GPRIN3: variants seen among roughly 807,000 people sequenced by gnomAD.
The protein encoded by GPRIN3 is GPRIN family member 3, also known as G protein-regulated inducer of neurite outgrowth 3.
In GPRIN3, 12 loss-of-function variants were observed where a neutral mutation model predicts 13.7. That is an observed-to-expected ratio of 0.87 (90% CI 0.56 to 1.42). GPRIN3 has a LOEUF of 1.42. GPRIN3 is among the 40% of genes most tolerant of loss of function. The probability of loss-of-function intolerance (pLI) is 0.00; values close to 1 mark genes in which losing one functional copy is unlikely to be tolerated. For missense variants in GPRIN3, 1,009 were observed against 958.7 expected (o/e 1.05, Z -0.69); for synonymous variants, 377 against 372.7 (o/e 1.01, Z -0.13).
rs1170336737 is a variant in GPRIN3, at chr4:89,241,965, T to G, written c.*5815A>C. On this transcript the variant is annotated 3_prime_UTR_variant, in exon 2 of 2. Coordinates refer to ENST00000609438, the MANE Select transcript of GPRIN3 (RefSeq NM_198281.3). ...CTAGCAGCAATGTCAAAAAGCAAGC[T>G]ATAATTTTCACCCCAGAAATAAATG... The G allele has an allele frequency of 6.6e-6, 1 of 152,192 alleles. No individual in the cohort carries two copies. The highest frequency in any genetic ancestry group is 1.5e-5 in the Non-Finnish European group (1 of 68,032). 9.4% of individuals were successfully genotyped at this position (152,192 alleles called of 1,614,324 possible). A position where few individuals can be genotyped will look rare whatever the true frequency, so the allele number is the denominator to read the frequency against.
intron 1 of GPRIN3, chr4:89,250,935 A>T (rs1170734432): frequency 6.6e-6 from 1 of 152,176 alleles, no homozygotes; most frequent in Non-Finnish European, 1.5e-5. Flanking sequence ...TTTTTCTGAG[A>T]TGGTAGAAAC....
intron 1 of GPRIN3, among the ~76,000 whole-genome samples, chr4:89,283,087 G>A (rs1179235083): frequency 6.6e-6 from 1 of 152,188 alleles, no homozygotes; most frequent in Non-Finnish European, 1.5e-5. Flanking sequence ...TGTTTTGTTT[G>A]TAAAATCCCT....
intron 1 of GPRIN3, among the ~76,000 whole-genome samples, chr4:89,275,546 C>G (rs906143282): frequency 6.6e-6 from 1 of 152,164 alleles, no homozygotes; most frequent in African/African-American, 2.4e-5. Flanking sequence ...TTCTTCAGAA[C>G]AGATTCCCTG....
rs780287656 is a variant in GPRIN3, at chr4:89,248,072, C to T, written c.2039G>A (p.Arg680His). 9.9e-6 allele frequency: 16 copies of T among 1,614,038 alleles called. No individual in the cohort carries two copies. Among genetic ancestry groups the T allele is most frequent in the Middle Eastern group, 1.6e-4 (1 of 6,084 alleles). Residue 680 changes from arginine to histidine, a missense_variant, in exon 2 of 2, where the codon CGT (arginine) becomes CAT (histidine). Physicochemically the swap from Arg to His is conservative, Grantham distance 29 (BLOSUM62 0). Transcript: ENST00000609438. ...CTCATCCCACACGACGTCCCTGACA[C>T]GCTTGGACTGTTTCAGCTGGAGCTT... ...DSKLQLKQSKRVRDVVWDEQG... is the reference protein window; with the variant it reads ...DSKLQLKQSKHVRDVVWDEQG...
At chr4:89,258,418 T>C (rs949829289) in intron 1 of GPRIN3, among the ~76,000 whole-genome samples, 16 of 152,062 alleles carry the variant, frequency 1.1e-4, no homozygotes, top group African/African-American at 3.9e-4. Context: ...GGTTTCATCA[T>C]GTTAGCCAGG....
Position 89,249,127 on chromosome 4 carries a change from G to C in GPRIN3, c.984C>G (p.Val328=). The C allele has an allele frequency of 5.6e-6, 9 of 1,614,130 alleles. No individual in the cohort carries two copies. Among genetic ancestry groups the C allele is most frequent in the Non-Finnish European group, 7.6e-6 (9 of 1,180,030 alleles). ...GGCTGGTGGAGACGGATCTGCTCTCGACACTCGCCACTGCCTGCACCTCCG... is the reference window on the plus strand; with the variant it reads ...GGCTGGTGGAGACGGATCTGCTCTCCACACTCGCCACTGCCTGCACCTCCG... The part of the protein sequence containing the change: ...QDAEVQAVAS[V]ESRSVSTSPS... Residue 328 remains valine, a synonymous_variant, in exon 2 of 2, where the codon GTC becomes GTG. Coordinates refer to ENST00000609438, the MANE Select transcript of GPRIN3 (RefSeq NM_198281.3).
At chr4:89,302,045 A>G (rs985900325) in intron 1 of GPRIN3, among the ~76,000 whole-genome samples, 3 of 152,224 alleles carry the variant, frequency 2.0e-5, no homozygotes, top group African/African-American at 7.2e-5. Flanking sequence ...TCTGGTGTGT[A>G]AGGCCAAGAA....
At chr4:89,300,774 T>G (rs1009854024) in intron 1 of GPRIN3, among the ~76,000 whole-genome samples, 1 of 152,188 alleles carries the variant, frequency 6.6e-6, no homozygotes, top group African/African-American at 2.4e-5. Flanking sequence ...CAGAACATGT[T>G]CGACATGAAA....
In GPRIN3 at chr4:89,248,456, G is replaced by T; in HGVS notation, c.1655C>A (p.Thr552Asn). 6.2e-7 allele frequency: 1 copy of T among 1,613,346 alleles called. No individual in the cohort carries two copies. The highest frequency in any genetic ancestry group is 8.5e-7 in the Non-Finnish European group (1 of 1,179,750). Residue 552 changes from threonine (T) to asparagine (N), a missense_variant, in exon 2 of 2, where the codon ACT becomes AAT. Transcript: ENST00000609438. ...SPQVVKEKES[T>N]GTDTSDAKTL... ...TTTGGCATCCGAGGTATCAGTGCCAGTAGACTCTTTTTCTTTTACTACCTG... is the reference window on the plus strand; with the variant it reads ...TTTGGCATCCGAGGTATCAGTGCCATTAGACTCTTTTTCTTTTACTACCTG...
chr4:89,264,457 G>T (rs1723729988), intron 1 of GPRIN3, among the ~76,000 whole-genome samples: 1 of 152,138 alleles, frequency 6.6e-6, no homozygotes, highest in African/African-American at 2.4e-5. Context: ...CCTAGCCTCA[G>T]GTATTCCTTT....
At chr4:89,303,303 T>C (rs1724948131) in intron 1 of GPRIN3, among the ~76,000 whole-genome samples, 1 of 152,240 alleles carries the variant, frequency 6.6e-6, no homozygotes. Flanking sequence ...GTTCCTCACA[T>C]GACCACCTCG....
rs897794444 is a variant in GPRIN3, at chr4:89,249,491, C to T, written c.620G>A (p.Arg207Lys). The stretch of plus-strand genomic sequence containing the variant: ...AGGAGAGGATGAGTGACTGACCACC[C>T]TGGCTGCTGTCACTGGAGTCTGCAC... ...GTVQTPVTAA[R>K]VVSHSSSPVG... Residue 207 changes from arginine (R) to lysine (K), a missense_variant, in exon 2 of 2, where the codon AGG becomes AAG. Transcript: ENST00000609438. The T allele has an allele frequency of 2.5e-5, 41 of 1,614,022 alleles. No homozygotes were observed. In the Admixed American group the frequency reaches 2.8e-4, roughly 11 times the overall value.
intron 1 of GPRIN3, among the ~76,000 whole-genome samples, chr4:89,302,474 G>C (rs1724925513): frequency 2.0e-5 from 3 of 152,054 alleles, no homozygotes; most frequent in Non-Finnish European, 4.4e-5. Flanking sequence ...CCCACCTCCA[G>C]ATTCAGATTC....
chr4:89,299,553 T>C (rs1724836928), intron 1 of GPRIN3, among the ~76,000 whole-genome samples: 2 of 152,194 alleles, frequency 1.3e-5, no homozygotes, highest in Non-Finnish European at 2.9e-5. Flanking sequence ...AAATCAACCC[T>C]GATGCAGTCA....
chr4:89,301,690 C>G (rs183985110), intron 1 of GPRIN3, among the ~76,000 whole-genome samples: 31 of 152,246 alleles, frequency 2.0e-4, no homozygotes, highest in African/African-American at 7.5e-4. Context: ...CTTCATAAAC[C>G]AGATCTCCCA....
In GPRIN3 at chr4:89,237,199, CTG is replaced by C. The variant is rs1722812486; in HGVS notation, c.*10579_*10580del. 6.6e-6 allele frequency: 1 copy of C among 152,134 alleles called. No homozygotes were observed. The highest frequency in any genetic ancestry group is 2.4e-5 in the African/African-American group (1 of 41,418). The allele number at this position is 152,134 out of a possible 1,614,324, so 9.4% of individuals were successfully genotyped here. A position where few individuals can be genotyped will look rare whatever the true frequency, so the allele number is the denominator to read the frequency against. ...TTTGAATTTCAACTATGTTAGACCT[CTG>C]TGATATATTTAGAAAAACCAGCTTC... is the stretch of plus-strand genomic sequence containing the variant. On this transcript the variant is annotated 3_prime_UTR_variant, in exon 2 of 2. Transcript: ENST00000609438.
At chr4:89,307,269 T>TCACACACACACACACACACACA in intron 1 of GPRIN3, among the ~76,000 whole-genome samples, 1 of 147,276 alleles carries the variant, frequency 6.8e-6, no homozygotes, top group African/African-American at 2.5e-5. Context: ...GAGACAAATG[T>TCACACACACACACACACACACA]CACACACACA....
intron 1 of GPRIN3, among the ~76,000 whole-genome samples, chr4:89,275,793 G>A (rs1233566452): frequency 6.6e-6 from 1 of 152,088 alleles, no homozygotes; most frequent in Non-Finnish European, 1.5e-5. Flanking sequence ...CAGCAATGAC[G>A]AACTACAATG....
intron 1 of GPRIN3, among the ~76,000 whole-genome samples, chr4:89,280,680 G>C (rs550582285): frequency 2.0e-5 from 3 of 152,278 alleles, no homozygotes; most frequent in African/African-American, 7.2e-5. Flanking sequence ...ATCAAGTTAG[G>C]ACAAAGTCAT....
Sources: gnomAD v4.1 joint callset for allele counts (sites outside exome capture counted in the v4.1 genomes callset) on GRCh38, gnomAD v4.1.1 for gene constraint, MANE v1.5 for transcripts, NCBI Gene and HGNC (gene_info 2026-07-23, HGNC 2026-07-21) for gene names.